The following ARFGAP3 variants were observed in gnomAD, a reference collection of about 807,000 sequenced individuals.
The protein encoded by ARFGAP3 is ARF GTPase activating protein 3.
In ARFGAP3, 72 loss-of-function variants were observed where a neutral mutation model predicts 75.0. The ratio of observed to expected loss-of-function variants is 0.96; its 90% CI spans 0.79 to 1.17. The LOEUF (loss-of-function observed/expected upper bound fraction) is 1.17, where lower values mean the gene tolerates loss of function less well. Ranked by LOEUF, ARFGAP3 falls within the 50% of genes most tolerant of loss-of-function variation. ARFGAP3 has a pLI of 0.00. For missense variants in ARFGAP3, 620 were observed against 626.6 expected, an observed-to-expected ratio of 0.99 and a Z score of 0.11; for synonymous variants, 221 against 217.9, an observed-to-expected ratio of 1.01 and a Z score of -0.13.
intron 1 of ARFGAP3, among the ~76,000 whole-genome samples, chr22:42,851,432 G>A (rs775126469): frequency 9.9e-5 from 15 of 152,228 alleles, no homozygotes; most frequent in Non-Finnish European, 2.1e-4. Context: ...CTAAGCTAAG[G>A]GATTGCTAAA....
rs1318426845 is a variant in ARFGAP3, at chr22:42,849,778, C to T, written c.70-2146G>A. On this transcript the variant is annotated intron_variant, in intron 1 of 15. Coordinates refer to ENST00000263245, the MANE Select transcript of ARFGAP3 (RefSeq NM_014570.5). The stretch of plus-strand genomic sequence containing the variant: ...GTCTTGCTATGTTGCCTAAGCTGGT[C>T]TTGAACGCCTGGGCTCAAGCAATTT... 2.0e-5 allele frequency among the ~76,000 whole-genome samples: 3 copies of T among 151,822 alleles called. No individual in the cohort carries two copies. In the East Asian group the frequency reaches 5.8e-4, roughly 29 times the overall value.
In ARFGAP3 at chr22:42,817,775, T is replaced by G. The variant is rs763991121; in HGVS notation, c.895A>C (p.Asn299His). 3.6e-5 allele frequency: 58 copies of G among 1,613,452 alleles called. No homozygotes were observed. Among genetic ancestry groups the G allele is most frequent in the Admixed American group, 2.3e-4 (14 of 59,948 alleles). ...DEKMNISGKKNVDSDRLGMGF... is the reference protein window; with the variant it reads ...DEKMNISGKKHVDSDRLGMGF... ...ATGCCGAGTCTGTCTGAGTCAACAT[T>G]TTTTTTGCCACTAATGTTCATCTTT... Residue 299 changes from asparagine to histidine, a missense_variant, in exon 10 of 16, where the codon AAT becomes CAT. Asn to His is a moderately conservative substitution (Grantham distance 68). Transcript: ENST00000263245.
chr22:42,801,143 C>T (rs373397862), intron 14 of ARFGAP3, among the ~76,000 whole-genome samples: 88 of 152,184 alleles, frequency 5.8e-4, no homozygotes, highest in African/African-American at 1.9e-3. Context: ...CATGAGGAGG[C>T]GGCAGTGGGG....
At chr22:42,827,399 T>A (rs912650868) in intron 6 of ARFGAP3, among the ~76,000 whole-genome samples, 1 of 152,182 alleles carries the variant, frequency 6.6e-6, no homozygotes, top group African/African-American at 2.4e-5. Flanking sequence ...AGAATTTCAC[T>A]CTTCTTACCC....
chr22:42,810,753 C>T (rs946671487), intron 12 of ARFGAP3, 60 bp downstream of exon 12: 18 of 1,470,278 alleles, frequency 1.2e-5, no homozygotes, highest in Non-Finnish European at 1.7e-5. Context: ...ATGTTATCAG[C>T]AATTTTTTCC....
chr22:42,844,619 A>G (rs1439701058), intron 2 of ARFGAP3, among the ~76,000 whole-genome samples: 3 of 151,924 alleles, frequency 2.0e-5, no homozygotes, highest in South Asian at 4.2e-4. Context: ...AAAAAACCCA[A>G]AAAACTCCCA....
At chr22:42,815,878 T>G (rs1457131491) in intron 11 of ARFGAP3, among the ~76,000 whole-genome samples, 1 of 152,204 alleles carries the variant, frequency 6.6e-6, no homozygotes, top group Non-Finnish European at 1.5e-5. Flanking sequence ...TTTGGGAGGC[T>G]GAGGCCAGCA....
chr22:42,851,152 T>C (rs1927260826), intron 1 of ARFGAP3, among the ~76,000 whole-genome samples: 2 of 152,354 alleles, frequency 1.3e-5, no homozygotes, highest in South Asian at 2.1e-4. Context: ...CAAGTGGACA[T>C]ACCAGCGTGG....
intron 3 of ARFGAP3, among the ~76,000 whole-genome samples, chr22:42,836,564 G>A (rs995201990): frequency 6.6e-6 from 1 of 152,148 alleles, no homozygotes; most frequent in African/African-American, 2.4e-5. Context: ...TAGGTAAGAT[G>A]ATAAAACAAG....
At chr22:42,817,608 G>T in intron 10 of ARFGAP3, 121 bp downstream of exon 10, 1 of 872,174 alleles carries the variant, frequency 1.1e-6, no homozygotes, top group Non-Finnish European at 1.7e-6. Flanking sequence ...AAAATAATTA[G>T]AGAAGTTAAT....
intron 9 of ARFGAP3, among the ~76,000 whole-genome samples, chr22:42,822,011 C>G (rs971031510): frequency 3.3e-5 from 5 of 152,146 alleles, no homozygotes; most frequent in African/African-American, 1.2e-4. Flanking sequence ...TGTGTAAACA[C>G]CTCCATGCAT....
intron 6 of ARFGAP3, among the ~76,000 whole-genome samples, chr22:42,829,969 A>G (rs1371542209): frequency 6.6e-6 from 1 of 152,234 alleles, no homozygotes; most frequent in Non-Finnish European, 1.5e-5. Context: ...ATTGTTACCT[A>G]GGATATGCAA....
chr22:42,848,995 G>A (rs1416019110), intron 1 of ARFGAP3, among the ~76,000 whole-genome samples: 1 of 152,144 alleles, frequency 6.6e-6, no homozygotes, highest in Non-Finnish European at 1.5e-5. Flanking sequence ...AGCTCTAGGG[G>A]AAGCCAGGTG....
intron 11 of ARFGAP3, among the ~76,000 whole-genome samples, chr22:42,812,065 C>A (rs1473948662): frequency 6.6e-6 from 1 of 151,746 alleles, no homozygotes; most frequent in East Asian, 1.9e-4. Context: ...CGTTTCCTGA[C>A]CATCTCCGGG....
chr22:42,803,351 C>A (rs1249115289), intron 14 of ARFGAP3, among the ~76,000 whole-genome samples: 2 of 152,076 alleles, frequency 1.3e-5, no homozygotes, highest in Non-Finnish European at 2.9e-5. Context: ...TGGGCTGGAG[C>A]AAAGAGAAAA....
Position 42,838,291 on chromosome 22 carries a change from T to TATATA in ARFGAP3, c.261+2652_261+2653insTATAT, listed in dbSNP as rs1555899060. ...ACACACACACATATATATATATATA[T>TATATA]TTTTTTTTTCTTTTTTTTTTTTCTG... is the stretch of plus-strand genomic sequence containing the variant. On this transcript the variant is annotated intron_variant, in intron 3 of 15. Transcript: ENST00000263245. Among the ~76,000 whole-genome samples the TATATA allele has an allele frequency of 6.3e-4, 41 of 65,118 alleles. No homozygotes were observed. The South Asian group carries it at 7.4e-3, about 12-fold the overall frequency. 42.7% of individuals were successfully genotyped at this position (65,118 alleles called of 152,430 possible). A position where few individuals can be genotyped will look rare whatever the true frequency, so the allele number is the denominator to read the frequency against.
intron 3 of ARFGAP3, among the ~76,000 whole-genome samples, chr22:42,840,427 G>GT (rs1022750248): frequency 4.6e-5 from 7 of 151,634 alleles, no homozygotes; most frequent in African/African-American, 1.7e-4. Context: ...TTGTTTGTTT[G>GT]TTTTTTTGGG....
At chr22:42,827,364 TTTTG>T (rs1926086628) in intron 6 of ARFGAP3, among the ~76,000 whole-genome samples, 1 of 151,954 alleles carries the variant, frequency 6.6e-6, no homozygotes, top group African/African-American at 2.4e-5. Context: ...CCTTGTTTTG[TTTTG>T]TTTTTTTTTC....
At chr22:42,845,760 C>G (rs534690272) in intron 2 of ARFGAP3, among the ~76,000 whole-genome samples, 1 of 152,046 alleles carries the variant, frequency 6.6e-6, no homozygotes, top group South Asian at 2.1e-4. Context: ...GAAGGCAAGG[C>G]CAGGCACAGT....
Sources: gnomAD v4.1 joint callset for allele counts (sites outside exome capture counted in the v4.1 genomes callset) on GRCh38, gnomAD v4.1.1 for gene constraint, MANE v1.5 for transcripts, NCBI Gene and HGNC (gene_info 2026-07-23, HGNC 2026-07-21) for gene names.